Variants in PTPRT observed in about 807,000 individuals in gnomAD.
PTPRT encodes the protein receptor-type tyrosine-protein phosphatase T.
In PTPRT, 56 loss-of-function variants were observed where a neutral mutation model predicts 176.8. That is an observed-to-expected ratio of 0.32 (90% CI 0.26 to 0.40). PTPRT has a LOEUF of 0.40. PTPRT is among the 10% of genes least tolerant of loss of function. PTPRT has a pLI of 1.00. For missense variants in PTPRT, 1,540 were observed against 1,908.2 expected (o/e 0.81, Z 3.60); for synonymous variants, 783 against 739.0 (o/e 1.06, Z -0.96).
At chr20:42,088,291 G>A (rs6029960) in intron 27 of PTPRT, among the ~76,000 whole-genome samples, 1 of 152,154 alleles carries the variant, frequency 6.6e-6, no homozygotes, top group Non-Finnish European at 1.5e-5. Flanking sequence ...GTCTGGTTCA[G>A]GCTACCCCAG....
chr20:42,665,325 C>G (rs529629440), intron 7 of PTPRT, among the ~76,000 whole-genome samples: 5 of 152,286 alleles, frequency 3.3e-5, no homozygotes, highest in African/African-American at 1.2e-4. Flanking sequence ...ATTTATGCAG[C>G]CAAAAGATGT....
intron 26 of PTPRT, among the ~76,000 whole-genome samples, chr20:42,098,953 C>T (rs554906428): frequency 5.9e-5 from 9 of 152,350 alleles, no homozygotes; most frequent in South Asian, 2.1e-4. Flanking sequence ...GGTTTTGGGT[C>T]GGCCTGAGGC....
At chr20:42,361,894 TAACTAG>T (rs1189444838) in intron 9 of PTPRT, among the ~76,000 whole-genome samples, 7 of 152,222 alleles carry the variant, frequency 4.6e-5, no homozygotes, top group African/African-American at 1.7e-4. Flanking sequence ...CCAGCAGTAG[TAACTAG>T]AACACCATTT....
intron 9 of PTPRT, among the ~76,000 whole-genome samples, chr20:42,361,039 G>A (rs948571040): frequency 2.6e-5 from 4 of 152,164 alleles, no homozygotes; most frequent in African/African-American, 4.8e-5. Flanking sequence ...AGTATTCTCC[G>A]CCCCACCCTG....
At chr20:42,315,652 T>C in intron 12 of PTPRT, 71 bp downstream of exon 12, 1 of 1,539,584 alleles carries the variant, frequency 6.5e-7, no homozygotes, top group Non-Finnish European at 8.9e-7. Context: ...TCTAGAGCCC[T>C]GCTGACTTAT....
At chr20:42,807,775 C>T (rs1569167546) in intron 2 of PTPRT, among the ~76,000 whole-genome samples, 2 of 152,212 alleles carry the variant, frequency 1.3e-5, no homozygotes, top group Non-Finnish European at 2.9e-5. Context: ...CTCATTCATT[C>T]ATTCTTTTAC....
chr20:42,096,766 T>TAAAA (rs879495820), intron 27 of PTPRT, among the ~76,000 whole-genome samples: 5,748 of 148,146 alleles, frequency 0.039, 187 homozygotes, highest in Middle Eastern at 0.066. Flanking sequence ...ATTTTTTTTT[T>TAAAA]TTTTTTTTTT....
chr20:42,453,394 G>C (rs574692628), intron 8 of PTPRT, among the ~76,000 whole-genome samples: 1 of 142,072 alleles, frequency 7.0e-6, no homozygotes, highest in Non-Finnish European at 1.5e-5. Flanking sequence ...CTTTATTATT[G>C]TTCATATTGT....
At chr20:42,424,936 C>T (rs192100221) in intron 9 of PTPRT, among the ~76,000 whole-genome samples, 6 of 151,162 alleles carry the variant, frequency 4.0e-5, no homozygotes, top group African/African-American at 1.2e-4. Flanking sequence ...CAAATAGACA[C>T]GGCTGACAAA....
rs553651847 is a variant in PTPRT, at chr20:42,818,220, G to A, written c.215-26754C>T. On this transcript the variant is annotated intron_variant, in intron 2 of 30. Transcript: ENST00000373187. ...CCTTGAGTGACATCTCCAGGCACAG[G>A]AGCAAATCAGATGACTAGGTCCTAA... Among the ~76,000 whole-genome samples, 5 of 152,092 alleles carry A rather than the reference G, an allele frequency of 3.3e-5. No homozygotes were observed. In the South Asian group the frequency reaches 1.0e-3, roughly 32 times the overall value.
intron 14 of PTPRT, 113 bp from the exon 15 acceptor site, chr20:42,236,371 T>C (rs2056242895): frequency 3.3e-6 from 3 of 919,626 alleles, no homozygotes; most frequent in Non-Finnish European, 5.2e-6. Flanking sequence ...GAAATGCACA[T>C]ATTATTTCAG....
At chr20:43,091,491 ATT>A (rs2011859838) in intron 1 of PTPRT, among the ~76,000 whole-genome samples, 2 of 42,784 alleles carry the variant, frequency 4.7e-5, no homozygotes, top group Admixed American at 2.5e-4. Context: ...CTCTCTCTCT[ATT>A]TCTCTCTCTC....
intron 11 of PTPRT, among the ~76,000 whole-genome samples, chr20:42,347,540 G>A (rs539758886): frequency 3.3e-5 from 5 of 152,280 alleles, no homozygotes; most frequent in African/African-American, 1.2e-4. Context: ...CACACCAGAT[G>A]CACCAGGCAT....
Position 42,885,019 on chromosome 20 carries a change from G to A in PTPRT, c.214+788C>T, listed in dbSNP as rs569952616. ...TGAAACATATCAGGTGTACCTCACA[G>A]GCCTGCCCCATGCAGGTATCCATCA... On this transcript the variant is annotated intron_variant, in intron 2 of 30. Coordinates refer to ENST00000373187, the MANE Select transcript of PTPRT (RefSeq NM_007050.6). 5.9e-5 allele frequency among the ~76,000 whole-genome samples: 9 copies of A among 151,944 alleles called. No individual in the cohort carries two copies. In the South Asian group the frequency reaches 1.9e-3, roughly 32 times the overall value.
intron 1 of PTPRT, among the ~76,000 whole-genome samples, chr20:43,049,396 C>T (rs1177617665): frequency 6.6e-6 from 1 of 152,182 alleles, no homozygotes; most frequent in East Asian, 1.9e-4. Context: ...GCTCAAAACA[C>T]AAAGCCATCT....
At chr20:42,842,339 T>C (rs1025878435) in intron 2 of PTPRT, among the ~76,000 whole-genome samples, 2 of 152,240 alleles carry the variant, frequency 1.3e-5, no homozygotes, top group Non-Finnish European at 2.9e-5. Context: ...AGCTACACTC[T>C]GTCAGGCCAG....
At chr20:42,082,276 G>A (rs913016996) in intron 29 of PTPRT, among the ~76,000 whole-genome samples, 1 of 152,182 alleles carries the variant, frequency 6.6e-6, no homozygotes, top group African/African-American at 2.4e-5. Context: ...TGGACTAGAT[G>A]ACCTTTGAGA....
chr20:42,756,232 A>T (rs1323801353), intron 6 of PTPRT, among the ~76,000 whole-genome samples: 1 of 152,232 alleles, frequency 6.6e-6, no homozygotes, highest in Non-Finnish European at 1.5e-5. Flanking sequence ...TCTTTCACGT[A>T]TGGCTCTTGT....
chr20:42,773,822 T>A (rs1250449001), intron 4 of PTPRT, among the ~76,000 whole-genome samples: 1 of 151,942 alleles, frequency 6.6e-6, no homozygotes, highest in Non-Finnish European at 1.5e-5. Flanking sequence ...GAGTGCAGAG[T>A]CTTAGCTCCA....
Sources: gnomAD v4.1 joint callset for allele counts (sites outside exome capture counted in the v4.1 genomes callset) on GRCh38, gnomAD v4.1.1 for gene constraint, MANE v1.5 for transcripts, NCBI Gene and HGNC (gene_info 2026-07-23, HGNC 2026-07-21) for gene names.